TRIM13: variants seen among roughly 807,000 people sequenced by gnomAD.
TRIM13 encodes the protein E3 ubiquitin-protein ligase TRIM13.
A neutral mutation model predicts 27.1 loss-of-function variants in TRIM13; 15 were observed. The ratio of observed to expected loss-of-function variants is 0.55; its 90% CI spans 0.37 to 0.85. TRIM13 has a LOEUF of 0.85. Among genes scored for constraint, TRIM13 ranks in the 40% least tolerant of loss-of-function variants. The pLI, the probability that TRIM13 is intolerant of heterozygous loss-of-function variation, is 0.00. For synonymous variants in TRIM13, 193 were observed against 171.5 expected (o/e 1.13, Z -0.98); for missense variants, 402 against 472.2 (o/e 0.85, Z 1.38).
chr13:49,997,092 G>A lies in TRIM13; in HGVS notation c.-678G>A, dbSNP rs901820561. On this transcript the variant is annotated 5_prime_UTR_variant, in exon 1 of 2. Transcript: ENST00000378182. ...CGCGTACCGTGCGGTCCCTGTAGTT[G>A]GAGGACGGGCGGTCGCGCGGCCTTT... The A allele has an allele frequency of 4.6e-5, 7 of 151,876 alleles. No individual in the cohort carries two copies. The highest frequency in any genetic ancestry group is 2.0e-4 in the Admixed American group (3 of 15,286). The allele number at this position is 151,876 out of a possible 1,614,324, so 9.4% of individuals were successfully genotyped here.
At chr13:50,009,386 T>C (rs1160087286) in intron 1 of TRIM13, among the ~76,000 whole-genome samples, 1 of 152,036 alleles carries the variant, frequency 6.6e-6, no homozygotes, top group East Asian at 1.9e-4. Context: ...GGTGGGACGA[T>C]TGCCTGAGGG....
chr13:50,004,107 T>G (rs1874375501), intron 1 of TRIM13, among the ~76,000 whole-genome samples: 1 of 152,210 alleles, frequency 6.6e-6, no homozygotes, highest in African/African-American at 2.4e-5. Flanking sequence ...TAAGTTGAAA[T>G]TTGAACAGTG....
At chr13:50,009,736 C>CAAAAAA (rs35561642) in intron 1 of TRIM13, among the ~76,000 whole-genome samples, 3 of 101,186 alleles carry the variant, frequency 3.0e-5, no homozygotes, top group East Asian at 5.4e-4. Flanking sequence ...GACTCCGTCT[C>CAAAAAA]AAAAAAAAAA....
In TRIM13 at chr13:49,997,458, C is replaced by G. The variant is rs983495758; in HGVS notation, c.-312C>G. ...GACGGGTGTGGGCCTTAGGTTACAG[C>G]GCGCCGCCAGCGTTTGGTTGCATGG... On this transcript the variant is annotated 5_prime_UTR_variant, in exon 1 of 2. Transcript: ENST00000378182. 1.3e-5 allele frequency: 2 copies of G among 152,178 alleles called. No individual in the cohort carries two copies. Among genetic ancestry groups the G allele is most frequent in the African/African-American group, 2.4e-5 (1 of 41,410 alleles). The allele number at this position is 152,178 out of a possible 1,614,324, so 9.4% of individuals were successfully genotyped here.
intron 1 of TRIM13, among the ~76,000 whole-genome samples, chr13:50,006,054 TTTAAA>T (rs1874668810): frequency 6.6e-6 from 1 of 152,078 alleles, no homozygotes; most frequent in Admixed American, 6.5e-5. Context: ...AATAAGAATC[TTTAAA>T]TTATCAACCA....
intron 1 of TRIM13, among the ~76,000 whole-genome samples, chr13:50,008,609 G>GCCT (rs1875126408): frequency 1.3e-5 from 2 of 152,068 alleles, no homozygotes; most frequent in African/African-American, 4.8e-5. Flanking sequence ...CTGTAGTCCA[G>GCCT]CCTGGACAAC....
rs1052766858 is a variant in TRIM13, at chr13:50,015,217, A to C, written c.*2053A>C. 4 of 223,168 alleles carry C rather than the reference A, an allele frequency of 1.8e-5. No homozygotes were observed. Among genetic ancestry groups the C allele is most frequent in the Middle Eastern group, 1.6e-3 (1 of 620 alleles). 13.8% of individuals were successfully genotyped at this position (223,168 alleles called of 1,614,324 possible). ...CAGGAAAGGGATCTATTTGATGTCT[A>C]TCTTCAGATATATTGGCAGTTTTCC... On this transcript the variant is annotated 3_prime_UTR_variant, in exon 2 of 2. Transcript: ENST00000378182.
chr13:50,015,028 G>A lies in TRIM13; in HGVS notation c.*1864G>A, dbSNP rs534526975. 9 of 157,362 alleles carry A rather than the reference G, an allele frequency of 5.7e-5. No homozygotes were observed. The highest frequency in any genetic ancestry group is 2.2e-4 in the Admixed American group (3 of 13,842). 9.7% of individuals were successfully genotyped at this position (157,362 alleles called of 1,614,324 possible). A position where few individuals can be genotyped will look rare whatever the true frequency, so the allele number is the denominator to read the frequency against. ...AAAAACGTTTAAGTCTAGCCTCTGCGTGGTAGACAGGTATGGGGAGGGAGA... is the reference window on the plus strand; with the variant it reads ...AAAAACGTTTAAGTCTAGCCTCTGCATGGTAGACAGGTATGGGGAGGGAGA... On this transcript the variant is annotated 3_prime_UTR_variant, in exon 2 of 2. Coordinates refer to ENST00000378182, the MANE Select transcript of TRIM13 (RefSeq NM_213590.3).
chr13:50,007,097 C>A (rs538618404), intron 1 of TRIM13, among the ~76,000 whole-genome samples: 1 of 150,962 alleles, frequency 6.6e-6, no homozygotes, highest in African/African-American at 2.4e-5. Context: ...GCAGAGGAAC[C>A]GCTTGAACCC....
rs1875826750 is a variant in TRIM13 at position 50,012,855 on chromosome 13, A to G, written c.915A>G (p.Thr305=). 3.1e-6 allele frequency: 5 copies of G among 1,614,150 alleles called. No individual in the cohort carries two copies. The highest frequency in any genetic ancestry group is 1.7e-5 in the Admixed American group (1 of 60,024). The stretch of plus-strand genomic sequence containing the variant: ...TTTCTTTGCCTCAAGACACTGGCAC[A>G]TTCATTAGCAAGATTCCCTGGAGCT... ...DKLSLPQDTG[T]FISKIPWSFY... is the part of the protein sequence containing the mutation. The change falls in exon 2 of 2, where the codon ACA becomes ACG. Residue 305 remains threonine (T), a synonymous_variant. Transcript: ENST00000378182.
Position 50,013,146 on chromosome 13 carries a change from C to T in TRIM13, c.1206C>T (p.Cys402=), listed in dbSNP as rs1217280200. Residue 402 remains cysteine (C), a synonymous_variant, in exon 2 of 2, where the codon TGC becomes TGT. Transcript: ENST00000378182. ...TGAACAATGTGGCAGAATTTGTGTG[C>T]AAATATAAACTATTATAAAATCTGT... is the stretch of plus-strand genomic sequence containing the variant. ...VVLNNVAEFV[C]KYKLL 2 of 1,570,232 alleles carry T rather than the reference C, an allele frequency of 1.3e-6. No individual in the cohort carries two copies. Among genetic ancestry groups the T allele is most frequent in the Non-Finnish European group, 1.7e-6 (2 of 1,161,422 alleles).
At position 50,014,623 on chromosome 13, in the gene TRIM13, G is replaced by A. The variant is rs2138430845; in HGVS notation, c.*1459G>A. On this transcript the variant is annotated 3_prime_UTR_variant, in exon 2 of 2. Transcript: ENST00000378182. ...ATCAGCTGAACACTAATGCTGTTCT[G>A]TCTGCTCACAAGAGATAAAGATACC... 1 of 166,708 alleles carries A rather than the reference G, an allele frequency of 6.0e-6. No homozygotes were observed. Among genetic ancestry groups the A allele is most frequent in the South Asian group, 2.1e-4 (1 of 4,810 alleles). The allele number at this position is 166,708 out of a possible 1,614,324, so 10.3% of individuals were successfully genotyped here.
At chr13:50,010,928 G>A (rs1279535262) in intron 1 of TRIM13, among the ~76,000 whole-genome samples, 1 of 152,182 alleles carries the variant, frequency 6.6e-6, no homozygotes, top group Non-Finnish European at 1.5e-5. Flanking sequence ...ATGCAGAAGT[G>A]CTTTGTGCGT....
intron 1 of TRIM13, among the ~76,000 whole-genome samples, chr13:49,999,172 C>G (rs915563109): frequency 2.0e-5 from 3 of 151,970 alleles, no homozygotes; most frequent in Non-Finnish European, 4.4e-5. Context: ...TAGGTAAAAC[C>G]ACGGGTGCAG....
rs750340781 is a variant in TRIM13, at chr13:50,012,492, A to G, written c.552A>G (p.Glu184=). The G allele has an allele frequency of 1.2e-6, 2 of 1,614,022 alleles. No homozygotes were observed. The highest frequency in any genetic ancestry group is 1.1e-5 in the South Asian group (1 of 91,072). Residue 184 remains glutamate (E), a synonymous_variant, in exon 2 of 2, where the codon GAA becomes GAG. Coordinates refer to ENST00000378182, the MANE Select transcript of TRIM13 (RefSeq NM_213590.3). ...LLTKDSDKVK[E]FFEKLQHTLD... ...CTAAAGATTCAGATAAAGTGAAGGA[A>G]TTTTTTGAGAAGTTACAACACACAC... is the stretch of plus-strand genomic sequence containing the variant.
chr13:49,997,470 G>A lies in TRIM13; in HGVS notation c.-300G>A, dbSNP rs1873369851. On this transcript the variant is annotated 5_prime_UTR_variant, in exon 1 of 2. Transcript: ENST00000378182. ...CCTTAGGTTACAGCGCGCCGCCAGC[G>A]TTTGGTTGCATGGCGCCGGGGGAGG... 1 of 152,176 alleles carries A rather than the reference G, an allele frequency of 6.6e-6. No homozygotes were observed. The highest frequency in any genetic ancestry group is 1.5e-5 in the Non-Finnish European group (1 of 68,076). 9.4% of individuals were successfully genotyped at this position (152,176 alleles called of 1,614,324 possible).
chr13:50,012,531 G>A lies in TRIM13; in HGVS notation c.591G>A (p.Lys197=). The stretch of plus-strand genomic sequence containing the variant: ...TACAACACACACTGGATCAAAAGAA[G>A]AATGAAATTCTGTCTGACTTTGAGA... ...EKLQHTLDQK[K]NEILSDFETM... Residue 197 remains lysine (K), a synonymous_variant, in exon 2 of 2, where the codon AAG becomes AAA. Coordinates refer to ENST00000378182, the MANE Select transcript of TRIM13 (RefSeq NM_213590.3). The A allele has an allele frequency of 6.2e-7, 1 of 1,614,034 alleles. No individual in the cohort carries two copies. Among genetic ancestry groups the A allele is most frequent in the Non-Finnish European group, 8.5e-7 (1 of 1,179,982 alleles).
At position 50,012,243 on chromosome 13, in the gene TRIM13, T is replaced by C. The variant is rs200321513; in HGVS notation, c.303T>C (p.Pro101=). ...TATGCAAAGGACACTTGGGGCAGCCTCTCAACATTTTCTGCCTGACTGATA... is the reference window on the plus strand; with the variant it reads ...TATGCAAAGGACACTTGGGGCAGCCCCTCAACATTTTCTGCCTGACTGATA... ...MPVCKGHLGQ[P]LNIFCLTDMQ... is the part of the protein sequence containing the mutation. Residue 101 remains proline, a synonymous_variant, in exon 2 of 2, where the codon CCT becomes CCC. Transcript: ENST00000378182. 237 of 1,614,010 alleles carry C rather than the reference T, an allele frequency of 1.5e-4. 1 individual carries two copies. The highest frequency in any genetic ancestry group is 7.6e-4 in the South Asian group (69 of 91,082).
rs1471019280 is a variant in TRIM13 at position 50,014,762 on chromosome 13, T to C, written c.*1598T>C. The C allele has an allele frequency of 6.0e-6, 1 of 166,794 alleles. No homozygotes were observed. Among genetic ancestry groups the C allele is most frequent in the Non-Finnish European group, 1.5e-5 (1 of 68,080 alleles). The allele number at this position is 166,794 out of a possible 1,614,324, so 10.3% of individuals were successfully genotyped here. On this transcript the variant is annotated 3_prime_UTR_variant, in exon 2 of 2. Transcript: ENST00000378182. ...GAGTAAGATATTCCTTGAAAGCCCATTAAGTGGAATAGACTTTCTGAAAAT... is the reference window on the plus strand; with the variant it reads ...GAGTAAGATATTCCTTGAAAGCCCACTAAGTGGAATAGACTTTCTGAAAAT...
Sources: gnomAD v4.1 joint callset for allele counts (sites outside exome capture counted in the v4.1 genomes callset) on GRCh38, gnomAD v4.1.1 for gene constraint, MANE v1.5 for transcripts, NCBI Gene and HGNC (gene_info 2026-07-23, HGNC 2026-07-21) for gene names.